CTNNA2: variants seen among roughly 807,000 people sequenced by gnomAD.
CTNNA2 encodes the protein catenin alpha 2.
CTNNA2 carries 42 observed loss-of-function variants against 101.0 expected under a neutral mutation model. That is an observed-to-expected ratio of 0.42 (90% CI 0.32 to 0.54). The LOEUF (loss-of-function observed/expected upper bound fraction) is 0.54. Among genes scored for constraint, CTNNA2 ranks in the 20% least tolerant of loss-of-function variants. The pLI, the probability that CTNNA2 is intolerant of heterozygous loss-of-function variation, is 0.14. For missense variants in CTNNA2, 871 were observed against 1,223.1 expected, an observed-to-expected ratio of 0.71 and a Z score of 4.29; for synonymous variants, 450 against 456.4, an observed-to-expected ratio of 0.99 and a Z score of 0.18.
chr2:79,777,375 G>A (rs1037471411), intron 3 of CTNNA2, among the ~76,000 whole-genome samples: 16 of 128,480 alleles, frequency 1.2e-4, no homozygotes, highest in African/African-American at 4.7e-4. Context: ...GTGTGTGTGT[G>A]TCTGTACTGT....
intron 9 of CTNNA2, among the ~76,000 whole-genome samples, chr2:80,511,222 T>G (rs1688678946): frequency 6.6e-6 from 1 of 152,198 alleles, no homozygotes; most frequent in Non-Finnish European, 1.5e-5. Flanking sequence ...TAAGGCAAAA[T>G]TGTAAAAAAT....
intron 9 of CTNNA2, among the ~76,000 whole-genome samples, chr2:80,531,867 A>G (rs1690573789): frequency 6.6e-6 from 1 of 152,186 alleles, no homozygotes; most frequent in African/African-American, 2.4e-5. Flanking sequence ...AAAAAATTAA[A>G]TGGTTAAATC....
chr2:79,561,444 C>T (rs1258368806), intron 1 of CTNNA2, among the ~76,000 whole-genome samples: 1 of 151,806 alleles, frequency 6.6e-6, no homozygotes, highest in African/African-American at 2.4e-5. Flanking sequence ...TATGTATAGT[C>T]CACCAAGGAG....
At chr2:79,266,616 T>C (rs1674990098) in intron 2 of CTNNA2, among the ~76,000 whole-genome samples, 1 of 152,114 alleles carries the variant, frequency 6.6e-6, no homozygotes, top group Non-Finnish European at 1.5e-5. Context: ...GCTTTCATGA[T>C]GGTTGGCAGC....
intron 7 of CTNNA2, among the ~76,000 whole-genome samples, chr2:80,141,885 A>C (rs1187229092): frequency 6.7e-6 from 1 of 148,608 alleles, no homozygotes; most frequent in Non-Finnish European, 1.5e-5. Flanking sequence ...ACAGGGTCTC[A>C]CTCTAAAGAT....
At chr2:80,277,989 G>C (rs1470443162) in intron 7 of CTNNA2, among the ~76,000 whole-genome samples, 1 of 152,086 alleles carries the variant, frequency 6.6e-6, no homozygotes, top group Non-Finnish European at 1.5e-5. Context: ...CCCATTCATT[G>C]ATTTTGTCTT....
intron 7 of CTNNA2, among the ~76,000 whole-genome samples, chr2:80,255,126 G>A (rs558733752): frequency 5.3e-5 from 8 of 152,260 alleles, no homozygotes; most frequent in Admixed American, 2.6e-4. Context: ...ATAGATGTTC[G>A]TCTTTCCACT....
intron 7 of CTNNA2, among the ~76,000 whole-genome samples, chr2:79,973,527 T>C (rs1690634198): frequency 6.6e-6 from 1 of 152,072 alleles, no homozygotes; most frequent in Non-Finnish European, 1.5e-5. Flanking sequence ...GAAAAAAATA[T>C]TGAAGCCTGT....
chr2:80,561,196 T>A (rs1361701666), intron 12 of CTNNA2, among the ~76,000 whole-genome samples: 1 of 152,134 alleles, frequency 6.6e-6, no homozygotes, highest in Non-Finnish European at 1.5e-5. Context: ...AGGGGCAGCT[T>A]ATTGGGAAGA....
intron 7 of CTNNA2, among the ~76,000 whole-genome samples, chr2:80,388,929 TA>T (rs1677256369): frequency 6.6e-6 from 1 of 152,218 alleles, no homozygotes; most frequent in African/African-American, 2.4e-5. Flanking sequence ...ACCTACTGTG[TA>T]AAAGACTGAA....
At chr2:79,226,893 G>A (rs1181100241) in intron 2 of CTNNA2, among the ~76,000 whole-genome samples, 1 of 152,000 alleles carries the variant, frequency 6.6e-6, no homozygotes, top group African/African-American at 2.4e-5. Flanking sequence ...ACATGAATTT[G>A]TATCCCAAGG....
chr2:79,379,539 G>T (rs964635479), intron 4 of CTNNA2, among the ~76,000 whole-genome samples: 1 of 152,056 alleles, frequency 6.6e-6, no homozygotes, highest in Non-Finnish European at 1.5e-5. Flanking sequence ...AAAATCTTCA[G>T]TAGCTAACTA....
chr2:80,532,176 C>T (rs1439302465), intron 9 of CTNNA2, among the ~76,000 whole-genome samples: 1 of 152,184 alleles, frequency 6.6e-6, no homozygotes, highest in Non-Finnish European at 1.5e-5. Flanking sequence ...CCTGGGGAGC[C>T]TGAAATTTCA....
chr2:80,227,056 G>T (rs1708928028), intron 7 of CTNNA2, among the ~76,000 whole-genome samples: 1 of 152,198 alleles, frequency 6.6e-6, no homozygotes, highest in Admixed American at 6.5e-5. Flanking sequence ...CATGGGCACA[G>T]CTGTTGTAAA....
At chr2:79,282,166 C>T (rs11126705) in intron 2 of CTNNA2, among the ~76,000 whole-genome samples, 79,920 of 151,924 alleles carry the variant, frequency 0.53, 22,540 homozygotes, top group East Asian at 0.77. Flanking sequence ...TAAGCCACTT[C>T]CAAATGTCTT....
At chr2:79,565,407 C>T (rs1318791266) in intron 1 of CTNNA2, among the ~76,000 whole-genome samples, 3 of 152,024 alleles carry the variant, frequency 2.0e-5, no homozygotes, top group Non-Finnish European at 4.4e-5. Context: ...CCCCAGTGCA[C>T]ACTCCTCTCT....
chr2:80,315,322 A>C (rs938158053), intron 7 of CTNNA2, among the ~76,000 whole-genome samples: 3 of 152,206 alleles, frequency 2.0e-5, no homozygotes, highest in Admixed American at 2.0e-4. Flanking sequence ...CACTTTATTT[A>C]GTTTCTGGCA....
At chr2:79,975,477 G>A (rs757787632) in intron 7 of CTNNA2, among the ~76,000 whole-genome samples, 4 of 152,034 alleles carry the variant, frequency 2.6e-5, no homozygotes, top group Admixed American at 2.0e-4. Flanking sequence ...ACGTCAATTC[G>A]GTTCTGACCT....
chr2:79,435,620 T>TTTTTGCAC (rs1678704604), intron 4 of CTNNA2, among the ~76,000 whole-genome samples: 1 of 152,182 alleles, frequency 6.6e-6, no homozygotes, highest in African/African-American at 2.4e-5. Context: ...CAGCACGCCC[T>TTTTTGCAC]AAAGCTGTCC....
Sources: allele counts gnomAD v4.1 joint callset (sites outside exome capture counted in the v4.1 genomes callset), GRCh38; gene constraint gnomAD v4.1.1; transcripts MANE v1.5; gene names NCBI Gene and HGNC (gene_info 2026-07-23, HGNC 2026-07-21).